LAMA2: variants seen among roughly 807,000 people sequenced by gnomAD.
LAMA2 encodes the protein laminin subunit alpha-2.
A neutral mutation model predicts 364.8 loss-of-function variants in LAMA2; 269 were observed. That is an observed-to-expected ratio of 0.74 (90% CI 0.67 to 0.82). The LOEUF (loss-of-function observed/expected upper bound fraction) is 0.82, where lower values mean the gene tolerates loss of function less well. LAMA2 is among the 40% of genes least tolerant of loss of function. LAMA2 has a pLI of 0.00. For missense variants in LAMA2, 3,807 were observed against 3,873.2 expected, an observed-to-expected ratio of 0.98 and a Z score of 0.45; for synonymous variants, 1,379 against 1,370.6, an observed-to-expected ratio of 1.01 and a Z score of -0.14.
intron 32 of LAMA2, 65 bp downstream of exon 32, chr6:129,353,422 G>A: frequency 7.5e-7 from 1 of 1,326,840 alleles, no homozygotes; most frequent in Non-Finnish European, 1.1e-6. Context: ...CATTTCCAAT[G>A]AGAAAGAGTG....
At chr6:129,071,557 A>G (rs1000659378) in intron 3 of LAMA2, among the ~76,000 whole-genome samples, 3 of 152,054 alleles carry the variant, frequency 2.0e-5, no homozygotes, top group African/African-American at 7.2e-5. Flanking sequence ...ATTTGCCTCT[A>G]CATAGGGCTT....
chr6:129,157,915 C>T, intron 8 of LAMA2: 1 of 1,614,190 alleles, frequency 6.2e-7, no homozygotes, highest in Non-Finnish European at 8.5e-7. Flanking sequence ...CGTTTGGTGC[C>T]CACCCTGGTA....
At chr6:128,947,824 A>G (rs983772710) in intron 1 of LAMA2, among the ~76,000 whole-genome samples, 3 of 152,076 alleles carry the variant, frequency 2.0e-5, no homozygotes, top group Non-Finnish European at 4.4e-5. Context: ...ATAAAGGGAG[A>G]GGCTTAAGTA....
At chr6:129,489,882 A>G (rs116208973) in intron 56 of LAMA2, among the ~76,000 whole-genome samples, 10 of 152,114 alleles carry the variant, frequency 6.6e-5, no homozygotes, top group African/African-American at 2.4e-4. Context: ...AATAGGGTAT[A>G]AGTAATCAAG....
intron 51 of LAMA2, among the ~76,000 whole-genome samples, chr6:129,470,471 G>T (rs953015780): frequency 6.6e-6 from 1 of 151,768 alleles, no homozygotes; most frequent in African/African-American, 2.4e-5. Flanking sequence ...CTGAGATGTG[G>T]GCAAAGGAAG....
At chr6:129,199,478 TAG>T (rs1483997629) in intron 12 of LAMA2, among the ~76,000 whole-genome samples, 3 of 152,158 alleles carry the variant, frequency 2.0e-5, no homozygotes, top group African/African-American at 7.2e-5. Flanking sequence ...AACATTGTGC[TAG>T]AAGATGTGGA....
At chr6:129,468,202 A>G (rs1169806719) in intron 51 of LAMA2, among the ~76,000 whole-genome samples, 1 of 151,696 alleles carries the variant, frequency 6.6e-6, no homozygotes, top group Non-Finnish European at 1.5e-5. Flanking sequence ...TTGTATCTCT[A>G]TGGTATCACC....
At chr6:129,107,127 A>G (rs1199561475) in intron 4 of LAMA2, among the ~76,000 whole-genome samples, 1 of 152,124 alleles carries the variant, frequency 6.6e-6, no homozygotes, top group Non-Finnish European at 1.5e-5. Context: ...AAGACACTGC[A>G]CACTGACTTT....
chr6:129,233,170 G>A (rs529877481), intron 12 of LAMA2, among the ~76,000 whole-genome samples: 1 of 152,248 alleles, frequency 6.6e-6, no homozygotes, highest in East Asian at 1.9e-4. Flanking sequence ...CTACAGAACT[G>A]TATTCCAACA....
At chr6:129,225,429 G>T (rs1172733461) in intron 12 of LAMA2, among the ~76,000 whole-genome samples, 1 of 152,114 alleles carries the variant, frequency 6.6e-6, no homozygotes, top group Non-Finnish European at 1.5e-5. Context: ...TGATGTTAGG[G>T]TGTCAATTTT....
At chr6:129,327,037 T>C (rs1775345992) in intron 28 of LAMA2, among the ~76,000 whole-genome samples, 1 of 151,948 alleles carries the variant, frequency 6.6e-6, no homozygotes, top group South Asian at 2.1e-4. Context: ...AATTATATGA[T>C]TATGTCCACC....
chr6:129,147,530 AAG>A (rs375491544), intron 6 of LAMA2, among the ~76,000 whole-genome samples: 1 of 152,088 alleles, frequency 6.6e-6, no homozygotes, highest in African/African-American at 2.4e-5. Flanking sequence ...TGAGAGAGTC[AAG>A]AGAGTACTGA....
intron 1 of LAMA2, among the ~76,000 whole-genome samples, chr6:128,918,955 T>C (rs1009636307): frequency 1.3e-5 from 2 of 152,148 alleles, no homozygotes; most frequent in Non-Finnish European, 2.9e-5. Flanking sequence ...TCAACGTAGG[T>C]AATATATTGT....
At chr6:129,056,408 T>A (rs935309656) in intron 2 of LAMA2, among the ~76,000 whole-genome samples, 3 of 152,190 alleles carry the variant, frequency 2.0e-5, no homozygotes, top group East Asian at 3.8e-4. Flanking sequence ...TCAGAAATTT[T>A]ACTTTTCATT....
At chr6:129,165,184 T>A (rs373031476) in intron 8 of LAMA2, among the ~76,000 whole-genome samples, 1 of 151,716 alleles carries the variant, frequency 6.6e-6, no homozygotes, top group East Asian at 1.9e-4. Flanking sequence ...GCAAATAATT[T>A]AGTTTTTTTT....
At chr6:129,336,897 A>T (rs78055215) in intron 29 of LAMA2, among the ~76,000 whole-genome samples, 15,012 of 152,272 alleles carry the variant, frequency 0.099, 836 homozygotes, top group Admixed American at 0.15. Context: ...AAATATTCAG[A>T]TAATATAAAG....
rs528266185 is a variant in LAMA2 at position 129,478,120 on chromosome 6, T to C, written c.7452-573T>C. ...GTAAACCTAATTTTTAAACATCTGTTTTTTAGACTATATAATCCAAAAGAA... is the reference window on the plus strand; with the variant it reads ...GTAAACCTAATTTTTAAACATCTGTCTTTTAGACTATATAATCCAAAAGAA... On this transcript the variant is annotated intron_variant, in intron 53 of 64. Transcript: ENST00000421865. Among the ~76,000 whole-genome samples, 11 of 152,344 alleles carry C rather than the reference T, an allele frequency of 7.2e-5. No homozygotes were observed. In the East Asian group the frequency reaches 2.1e-3, roughly 29 times the overall value.
At position 129,465,188 on chromosome 6, in the gene LAMA2, T is replaced by C. The variant is rs1783478654; in HGVS notation, c.7199T>C (p.Val2400Ala). 1.2e-6 allele frequency: 2 copies of C among 1,610,962 alleles called. No homozygotes were observed. The highest frequency in any genetic ancestry group is 1.6e-4 in the Middle Eastern group (1 of 6,068). Residue 2400 changes from valine to alanine, a missense_variant, in exon 51 of 65, where the codon GTC becomes GCC. Transcript: ENST00000421865. ...GAGCTCACTGATGGGCACATAAAAG[T>C]CAGTTACGATCTGGGCTCAGGAATG... is the stretch of plus-strand genomic sequence containing the variant. ...SVELTDGHIK[V>A]SYDLGSGMAS...
intron 12 of LAMA2, among the ~76,000 whole-genome samples, chr6:129,199,697 T>A (rs566693411): frequency 2.9e-4 from 44 of 152,190 alleles, no homozygotes; most frequent in East Asian, 1.5e-3. Context: ...TCAAAAAAAA[T>A]TTTTAAGAGG....
Sources: gnomAD v4.1 joint callset for allele counts (sites outside exome capture counted in the v4.1 genomes callset) on GRCh38, gnomAD v4.1.1 for gene constraint, MANE v1.5 for transcripts, NCBI Gene and HGNC (gene_info 2026-07-23, HGNC 2026-07-21) for gene names.